The following SOX5 variants were observed in gnomAD, a reference collection of about 807,000 sequenced individuals.
The protein encoded by SOX5 is SRY-box transcription factor 5, also known as transcription factor SOX-5.
A neutral mutation model predicts 92.0 loss-of-function variants in SOX5; 9 were observed. The observed-to-expected ratio is 0.10, with a 90% confidence interval of 0.06 to 0.17. The LOEUF (loss-of-function observed/expected upper bound fraction) is 0.17. Ranked by LOEUF, SOX5 falls within the 10% of genes least tolerant of loss-of-function variation. SOX5 has a pLI of 1.00. For synonymous variants in SOX5, 344 were observed against 336.3 expected, an observed-to-expected ratio of 1.02 and a Z score of -0.25; for missense variants, 642 against 944.5, an observed-to-expected ratio of 0.68 and a Z score of 4.20.
intron 1 of SOX5, among the ~76,000 whole-genome samples, chr12:23,898,316 TACTGGAATTAATAC>T (rs1317866857): frequency 6.6e-6 from 1 of 152,190 alleles, no homozygotes; most frequent in African/African-American, 2.4e-5. Context: ...TTATCATTCT[TACTGGAATTAATAC>T]ACTGGTATTC....
intron 3 of SOX5, among the ~76,000 whole-genome samples, chr12:24,273,002 G>A (rs1266944735): frequency 2.0e-5 from 3 of 152,178 alleles, no homozygotes; most frequent in Non-Finnish European, 4.4e-5. Context: ...GGATGCCAAG[G>A]CGGGTGGATC....
At chr12:24,371,821 C>A (rs1385855643) in intron 1 of SOX5, among the ~76,000 whole-genome samples, 2 of 152,098 alleles carry the variant, frequency 1.3e-5, no homozygotes, top group Non-Finnish European at 2.9e-5. Flanking sequence ...AACCTCATCT[C>A]TACTAAAAAT....
At position 23,590,884 on chromosome 12, in the gene SOX5, AAAC is replaced by A. The variant is rs1332806777; in HGVS notation, c.1164+13500_1164+13502del. The stretch of plus-strand genomic sequence containing the variant: ...GTAATGTCTCTTGCTTGGAACAGAT[AAAC>A]AACGTGTCTCTTTCCCAAGGAAAAC... On this transcript the variant is annotated intron_variant, in intron 9 of 14. Transcript: ENST00000451604. 5.3e-5 allele frequency among the ~76,000 whole-genome samples: 8 copies of A among 152,146 alleles called. No homozygotes were observed. In the South Asian group the frequency reaches 1.2e-3, roughly 24 times the overall value.
intron 4 of SOX5, among the ~76,000 whole-genome samples, chr12:23,743,454 C>T (rs1297203292): frequency 2.6e-5 from 4 of 151,924 alleles, no homozygotes; most frequent in Admixed American, 6.6e-5. Flanking sequence ...GGATTACAGG[C>T]GCATGCCACC....
intron 1 of SOX5, among the ~76,000 whole-genome samples, chr12:24,561,207 C>T (rs1036945401): frequency 6.6e-6 from 1 of 152,186 alleles, no homozygotes; most frequent in Non-Finnish European, 1.5e-5. Context: ...GCCTGGACTG[C>T]CTGGCACCGA....
chr12:23,938,614 T>A (rs1488537420), intron 1 of SOX5, among the ~76,000 whole-genome samples: 3 of 151,050 alleles, frequency 2.0e-5, no homozygotes, highest in Non-Finnish European at 3.0e-5. Flanking sequence ...CATAGGAATA[T>A]GTTAAATCAG....
At chr12:23,872,566 A>G (rs2096886899) in intron 2 of SOX5, among the ~76,000 whole-genome samples, 2 of 152,142 alleles carry the variant, frequency 1.3e-5, no homozygotes, top group Admixed American at 1.3e-4. Context: ...AGACACTGGC[A>G]GTAAAAATAT....
intron 3 of SOX5, among the ~76,000 whole-genome samples, chr12:23,816,660 G>A: frequency 6.6e-6 from 1 of 152,098 alleles, no homozygotes; most frequent in East Asian, 1.9e-4. Flanking sequence ...ATAAAAGCAA[G>A]GTGACTAGGA....
In SOX5 at chr12:23,800,756, G is replaced by C. The variant is rs548801561; in HGVS notation, c.482-45032C>G. On this transcript the variant is annotated intron_variant, in intron 3 of 14. Coordinates refer to ENST00000451604, the MANE Select transcript of SOX5 (RefSeq NM_006940.6). ...CTATGTTTACAATAGTAACAGGTCC[G>C]AAAGAAGGTATATCATGAAATAAAC... Among the ~76,000 whole-genome samples, 4 of 152,064 alleles carry C rather than the reference G, an allele frequency of 2.6e-5. No individual in the cohort carries two copies. The South Asian group carries it at 8.3e-4, about 32-fold the overall frequency.
chr12:23,610,390 C>A (rs1221563337), intron 8 of SOX5, among the ~76,000 whole-genome samples: 1 of 152,066 alleles, frequency 6.6e-6, no homozygotes, highest in Non-Finnish European at 1.5e-5. Context: ...TAGGCACTGA[C>A]AAAAATATCT....
intron 2 of SOX5, among the ~76,000 whole-genome samples, chr12:23,865,792 T>C (rs1369179232): frequency 6.6e-6 from 1 of 152,236 alleles, no homozygotes; most frequent in Non-Finnish European, 1.5e-5. Flanking sequence ...TCATTATAGA[T>C]ACAATTAAGA....
intron 1 of SOX5, among the ~76,000 whole-genome samples, chr12:24,479,517 A>C (rs1337747442): frequency 1.3e-5 from 2 of 152,210 alleles, no homozygotes; most frequent in Non-Finnish European, 2.9e-5. Context: ...AAGACCACAC[A>C]GTTCTTGAAT....
chr12:23,598,159 G>C (rs1397420486), intron 9 of SOX5, among the ~76,000 whole-genome samples: 1 of 152,130 alleles, frequency 6.6e-6, no homozygotes, highest in South Asian at 2.1e-4. Flanking sequence ...CTCAGAGTAA[G>C]TCAAATAGTA....
chr12:23,963,304 G>A (rs1457281233), intron 4 of SOX5, among the ~76,000 whole-genome samples: 1 of 152,184 alleles, frequency 6.6e-6, no homozygotes, highest in Middle Eastern at 3.2e-3. Flanking sequence ...CATTAGGCTA[G>A]TCATGAAAAC....
At chr12:24,130,209 A>G (rs1450495008) in intron 4 of SOX5, among the ~76,000 whole-genome samples, 1 of 152,228 alleles carries the variant, frequency 6.6e-6, no homozygotes, top group Non-Finnish European at 1.5e-5. Context: ...GAAAATACAT[A>G]TAGGAATGAA....
chr12:24,422,894 C>A (rs944209399), intron 1 of SOX5, among the ~76,000 whole-genome samples: 11 of 152,166 alleles, frequency 7.2e-5, no homozygotes, highest in Admixed American at 7.2e-4. Flanking sequence ...GCCTGTAGTT[C>A]CAGCTACTCA....
At chr12:24,234,037 C>T (rs780841770) in intron 3 of SOX5, among the ~76,000 whole-genome samples, 8 of 152,194 alleles carry the variant, frequency 5.3e-5, no homozygotes, top group Admixed American at 3.3e-4. Context: ...TCCAAATCTA[C>T]ACACGGAATC....
At chr12:24,444,670 C>T (rs1377648865) in intron 1 of SOX5, among the ~76,000 whole-genome samples, 2 of 151,994 alleles carry the variant, frequency 1.3e-5, no homozygotes, top group African/African-American at 2.4e-5. Flanking sequence ...GAAAGGAAGC[C>T]GCCTCATCCA....
At chr12:23,585,046 T>G (rs1950533088) in intron 9 of SOX5, among the ~76,000 whole-genome samples, 1 of 152,156 alleles carries the variant, frequency 6.6e-6, no homozygotes, top group African/African-American at 2.4e-5. Context: ...TGGAGATTAA[T>G]CAATAACTAA....
Sources: allele counts gnomAD v4.1 joint callset (sites outside exome capture counted in the v4.1 genomes callset), GRCh38; gene constraint gnomAD v4.1.1; transcripts MANE v1.5; gene names NCBI Gene and HGNC (gene_info 2026-07-23, HGNC 2026-07-21).